The following CAPZA2 variants were observed in gnomAD, a reference collection of about 807,000 sequenced individuals.
The protein encoded by CAPZA2 is capping actin protein of muscle Z-line subunit alpha 2, also known as F-actin-capping protein subunit alpha-2.
CAPZA2 carries 13 observed loss-of-function variants against 44.0 expected under a neutral mutation model. That is an observed-to-expected ratio of 0.30 (90% CI 0.19 to 0.47). CAPZA2 has a LOEUF of 0.47. Among genes scored for constraint, CAPZA2 ranks in the 20% least tolerant of loss-of-function variants. CAPZA2 has a pLI of 1.00. For synonymous variants in CAPZA2, 94 were observed against 108.2 expected (o/e 0.87, Z 0.81); for missense variants, 244 against 338.6 (o/e 0.72, Z 2.19).
intron 6 of CAPZA2, among the ~76,000 whole-genome samples, chr7:116,907,523 C>CT (rs1449141159): frequency 6.6e-6 from 1 of 152,100 alleles, no homozygotes; most frequent in Non-Finnish European, 1.5e-5. Context: ...GAAGAAAATT[C>CT]TTTTTACTAC....
At chr7:116,876,398 CGTT>C (rs563567476) in intron 1 of CAPZA2, 5 of 152,098 alleles carry the variant, frequency 3.3e-5, no homozygotes, top group Non-Finnish European at 5.9e-5. Context: ...TTAGTTAAAA[CGTT>C]GTTGTATGTC....
intron 5 of CAPZA2, among the ~76,000 whole-genome samples, chr7:116,905,608 A>C (rs1014763446): frequency 6.6e-6 from 1 of 152,228 alleles, no homozygotes; most frequent in Non-Finnish European, 1.5e-5. Flanking sequence ...ACATAACCTC[A>C]AATATCTTAT....
At chr7:116,886,004 C>G (rs141580634) in intron 1 of CAPZA2, 123 of 154,796 alleles carry the variant, frequency 7.9e-4, no homozygotes, top group South Asian at 3.1e-3. Context: ...GTGACCAGCC[C>G]CACCCTGAAG....
intron 2 of CAPZA2, among the ~76,000 whole-genome samples, chr7:116,892,152 A>G (rs1168315965): frequency 6.6e-6 from 1 of 152,174 alleles, no homozygotes; most frequent in Non-Finnish European, 1.5e-5. Flanking sequence ...ATGGCTGCCT[A>G]GTTTCACACT....
chr7:116,880,736 A>T (rs1215197153), intron 1 of CAPZA2, among the ~76,000 whole-genome samples: 5 of 14,050 alleles, frequency 3.6e-4, no homozygotes, highest in Non-Finnish European at 4.3e-4. Context: ...TTTTTTTTTG[A>T]GACAGTCTTG....
chr7:116,921,945 T>TAAG lies in CAPZA2; in HGVS notation c.*4078_*4079insAAG, dbSNP rs1280702900. The TAAG allele has an allele frequency of 6.6e-6, 1 of 152,188 alleles. No homozygotes were observed. The highest frequency in any genetic ancestry group is 1.5e-5 in the Non-Finnish European group (1 of 68,046). 9.4% of individuals were successfully genotyped at this position (152,188 alleles called of 1,614,324 possible). On this transcript the variant is annotated 3_prime_UTR_variant, in exon 10 of 10. Coordinates refer to ENST00000361183, the MANE Select transcript of CAPZA2 (RefSeq NM_006136.3). ...AGTACACTTGGATATATGATTACAT[T>TAAG]TTAATAAGTTATATAAATATGCAGA...
At chr7:116,897,821 T>G (rs1796947410) in intron 3 of CAPZA2, among the ~76,000 whole-genome samples, 1 of 152,118 alleles carries the variant, frequency 6.6e-6, no homozygotes, top group Non-Finnish European at 1.5e-5. Context: ...TACCTCACAC[T>G]CTGCGGTTTT....
Position 116,904,389 on chromosome 7 carries a change from T to C in CAPZA2, c.426+6T>C. The C allele has an allele frequency of 2.5e-6, 4 of 1,574,788 alleles. No homozygotes were observed. Among genetic ancestry groups the C allele is most frequent in the Non-Finnish European group, 3.5e-6 (4 of 1,144,274 alleles). Reference sequence around the variant, plus strand: ...ACCCGAATGGAGTCTGCACTGTAAGTCATCAGTAGCAGCTTTGTGTGTGTG... The same window carrying C: ...ACCCGAATGGAGTCTGCACTGTAAGCCATCAGTAGCAGCTTTGTGTGTGTG... On this transcript the variant is annotated splice_donor_region_variant and intron_variant, in intron 5 of 9. Transcript: ENST00000361183.
chr7:116,915,355 G>A (rs1791666377), intron 8 of CAPZA2: 9 of 151,956 alleles, frequency 5.9e-5, no homozygotes, highest in Admixed American at 5.9e-4. Context: ...AGAGTACAGA[G>A]GGTACGGTTT....
At chr7:116,899,628 G>C (rs2115948033) in intron 4 of CAPZA2, among the ~76,000 whole-genome samples, 1 of 144,772 alleles carries the variant, frequency 6.9e-6, no homozygotes, top group East Asian at 2.1e-4. Flanking sequence ...GTATTAATCT[G>C]CAAAATTTAT....
At chr7:116,864,859 C>T (rs1186552408) in intron 1 of CAPZA2, among the ~76,000 whole-genome samples, 3 of 151,802 alleles carry the variant, frequency 2.0e-5, no homozygotes, top group Non-Finnish European at 4.4e-5. Flanking sequence ...GGTAACATAG[C>T]GAGACCTCAT....
chr7:116,874,202 A>G (rs1271395352), intron 1 of CAPZA2: 1 of 156,056 alleles, frequency 6.4e-6, no homozygotes, highest in African/African-American at 2.4e-5. Context: ...CTCATATCAA[A>G]TATGCTTTAC....
intron 1 of CAPZA2, among the ~76,000 whole-genome samples, chr7:116,881,778 C>A (rs1796707226): frequency 6.7e-6 from 1 of 150,346 alleles, no homozygotes; most frequent in Non-Finnish European, 1.5e-5. Context: ...ATCACTAATG[C>A]ACCTTCCCCT....
At chr7:116,916,929 G>A (rs1006074199) in intron 9 of CAPZA2, among the ~76,000 whole-genome samples, 2 of 152,038 alleles carry the variant, frequency 1.3e-5, no homozygotes, top group Admixed American at 6.6e-5. Flanking sequence ...GACTTTAAGT[G>A]GCTATTTTTT....
intron 8 of CAPZA2, chr7:116,915,784 G>C (rs1277284094): frequency 9.7e-6 from 2 of 205,368 alleles, no homozygotes; most frequent in African/African-American, 4.7e-5. Flanking sequence ...TGCATGTCCA[G>C]TGTTTAAAAT....
chr7:116,895,625 G>C (rs1055122120), intron 3 of CAPZA2, among the ~76,000 whole-genome samples: 9 of 151,700 alleles, frequency 5.9e-5, no homozygotes, highest in Admixed American at 3.9e-4. Context: ...AGAAACTTCA[G>C]ATTTTCTTTG....
At chr7:116,867,580 CTCTT>C (rs1431991396) in intron 1 of CAPZA2, among the ~76,000 whole-genome samples, 2 of 133,018 alleles carry the variant, frequency 1.5e-5, no homozygotes, top group Non-Finnish European at 3.1e-5. Context: ...CCATTTCTCT[CTCTT>C]TTTTTTTTTT....
intron 7 of CAPZA2, 107 bp from the exon 8 acceptor site, chr7:116,911,962 A>G (rs1791602808): frequency 6.4e-7 from 1 of 1,551,894 alleles, no homozygotes; most frequent in African/African-American, 1.4e-5. Context: ...AGAGAAGTCT[A>G]GACTAGAGCT....
intron 1 of CAPZA2, among the ~76,000 whole-genome samples, chr7:116,884,617 G>A (rs553364445): frequency 2.6e-5 from 4 of 152,306 alleles, no homozygotes; most frequent in African/African-American, 9.6e-5. Flanking sequence ...TTTTATTGCT[G>A]AGTGATATTT....
Sources: gnomAD v4.1 joint callset for allele counts (sites outside exome capture counted in the v4.1 genomes callset) on GRCh38, gnomAD v4.1.1 for gene constraint, MANE v1.5 for transcripts, NCBI Gene and HGNC (gene_info 2026-07-23, HGNC 2026-07-21) for gene names.